Variants in OCA2 observed in about 807,000 individuals in gnomAD.
The protein encoded by OCA2 is OCA2 melanosomal transmembrane protein, also known as P protein.
Under a neutral mutation model 100.2 loss-of-function variants are expected in OCA2, and 77 were observed. The ratio of observed to expected loss-of-function variants is 0.77; its 90% CI spans 0.64 to 0.93. The LOEUF (loss-of-function observed/expected upper bound fraction) is 0.93, where lower values mean the gene tolerates loss of function less well. Among genes scored for constraint, OCA2 ranks in the 40% least tolerant of loss-of-function variants. The pLI is 0.00. For missense variants in OCA2, 1,062 were observed against 1,089.1 expected, an observed-to-expected ratio of 0.98 and a Z score of 0.35; for synonymous variants, 432 against 439.2, an observed-to-expected ratio of 0.98 and a Z score of 0.21.
chr15:27,765,364 G>A (rs957771570), intron 23 of OCA2, among the ~76,000 whole-genome samples: 2 of 152,084 alleles, frequency 1.3e-5, no homozygotes, highest in African/African-American at 4.8e-5. Flanking sequence ...AGTTTTACTG[G>A]GGGACTGAAG....
At chr15:27,967,975 C>T (rs2040632586) in intron 14 of OCA2, among the ~76,000 whole-genome samples, 1 of 152,104 alleles carries the variant, frequency 6.6e-6, no homozygotes, top group African/African-American at 2.4e-5. Flanking sequence ...AATAAGTCAG[C>T]AGCGTCATTG....
At chr15:28,041,283 G>A (rs1195033812) in intron 2 of OCA2, among the ~76,000 whole-genome samples, 2 of 149,430 alleles carry the variant, frequency 1.3e-5, no homozygotes, top group East Asian at 2.0e-4. Context: ...AACTGATGCA[G>A]GAAAAACATT....
intron 19 of OCA2, among the ~76,000 whole-genome samples, chr15:27,881,046 T>A (rs1273597716): frequency 6.6e-6 from 1 of 152,124 alleles, no homozygotes; most frequent in African/African-American, 2.4e-5. Flanking sequence ...CAATACCTAG[T>A]TTATTGAGAG....
At chr15:27,833,797 C>T (rs2035048975) in intron 23 of OCA2, among the ~76,000 whole-genome samples, 1 of 152,112 alleles carries the variant, frequency 6.6e-6, no homozygotes, top group Non-Finnish European at 1.5e-5. Context: ...GAAACACTGA[C>T]AGTGAATGGC....
At position 28,069,569 on chromosome 15, in the gene OCA2, C is replaced by T. The variant is rs1378748793; in HGVS notation, c.227+12079G>A. Among the ~76,000 whole-genome samples the T allele has an allele frequency of 2.5e-4, 35 of 141,704 alleles. No individual in the cohort carries two copies. In the East Asian group the frequency reaches 3.9e-3, roughly 16 times the overall value. The allele number at this position is 141,704 out of a possible 152,430, so 93.0% of individuals were successfully genotyped here. A position where few individuals can be genotyped will look rare whatever the true frequency, so the allele number is the denominator to read the frequency against. On this transcript the variant is annotated intron_variant, in intron 2 of 23. Transcript: ENST00000354638. ...CTGCGATTGCAGGCACGCGCCGCCA[C>T]GCCTGACTGGTTTTGGTGGAGACGG...
intron 18 of OCA2, among the ~76,000 whole-genome samples, chr15:27,934,063 C>A (rs966728546): frequency 6.6e-6 from 1 of 151,950 alleles, no homozygotes; most frequent in African/African-American, 2.4e-5. Flanking sequence ...TATGCATACA[C>A]AATTTTATGT....
chr15:28,083,079 C>T (rs763698008), intron 1 of OCA2, among the ~76,000 whole-genome samples: 24 of 152,204 alleles, frequency 1.6e-4, no homozygotes, highest in Admixed American at 6.5e-4. Flanking sequence ...TGCAGAGGCA[C>T]GTGCTGGGGC....
intron 9 of OCA2, among the ~76,000 whole-genome samples, chr15:27,999,516 A>G (rs2041861258): frequency 3.3e-5 from 5 of 152,238 alleles, no homozygotes; most frequent in African/African-American, 1.2e-4. Flanking sequence ...ATTATACTCC[A>G]TAGTGAAAAG....
At chr15:27,922,927 AC>A (rs2038917798) in intron 19 of OCA2, among the ~76,000 whole-genome samples, 1 of 151,738 alleles carries the variant, frequency 6.6e-6, no homozygotes, top group African/African-American at 2.4e-5. Flanking sequence ...TAAGCCTAGC[AC>A]CCATTACTTA....
chr15:27,827,527 G>T (rs2034779016), intron 23 of OCA2, among the ~76,000 whole-genome samples: 1 of 151,248 alleles, frequency 6.6e-6, no homozygotes, highest in Non-Finnish European at 1.5e-5. Flanking sequence ...TATTTTATTT[G>T]TTCCTTGTAA....
chr15:27,983,218 G>A, intron 14 of OCA2, 127 bp downstream of exon 14: 1 of 1,159,358 alleles, frequency 8.6e-7, no homozygotes, highest in Admixed American at 1.8e-5. Context: ...GAGATGCCCA[G>A]TAGCACTTAC....
chr15:27,821,642 GTGTGCACACAGAC>G (rs1344405556), intron 23 of OCA2, among the ~76,000 whole-genome samples: 16 of 111,152 alleles, frequency 1.4e-4, no homozygotes, highest in South Asian at 5.1e-4. Context: ...TTGCACACAA[GTGTGCACACAGAC>G]ACAGGCTCAC....
rs555157815 is a variant in OCA2, at chr15:27,770,987, C to T, written c.2433-15515G>A. 6.5e-3 allele frequency among the ~76,000 whole-genome samples: 560 copies of T among 85,808 alleles called. 6 individuals are homozygous for T. Among genetic ancestry groups the T allele is most frequent in the African/African-American group, 0.024 (536 of 22,186 alleles). 56.3% of individuals were successfully genotyped at this position (85,808 alleles called of 152,430 possible). A position where few individuals can be genotyped will look rare whatever the true frequency, so the allele number is the denominator to read the frequency against. ...CCTCCCTCCCTTCCTTTCCTTCTTT[C>T]TTCCTTCCCTTCCTTCCTTCCCTTC... is the stretch of plus-strand genomic sequence containing the variant. On this transcript the variant is annotated intron_variant, in intron 23 of 23. Transcript: ENST00000354638.
intron 21 of OCA2, among the ~76,000 whole-genome samples, chr15:27,860,462 C>T (rs1340031530): frequency 1.3e-5 from 2 of 152,176 alleles, no homozygotes; most frequent in Admixed American, 1.3e-4. Context: ...CTCACTCCTC[C>T]CTTCTGAAAA....
At chr15:27,791,445 G>A (rs1046954099) in intron 23 of OCA2, among the ~76,000 whole-genome samples, 1 of 152,188 alleles carries the variant, frequency 6.6e-6, no homozygotes, top group African/African-American at 2.4e-5. Context: ...AAATTCTGGT[G>A]AAGGCAAAGC....
At chr15:28,049,786 G>A (rs1286686338) in intron 2 of OCA2, among the ~76,000 whole-genome samples, 1 of 152,158 alleles carries the variant, frequency 6.6e-6, no homozygotes, top group Non-Finnish European at 1.5e-5. Flanking sequence ...GAAATTGCAG[G>A]TTCCAGAGCC....
chr15:27,972,853 A>C (rs4068533), intron 14 of OCA2, among the ~76,000 whole-genome samples: 1,519 of 48,386 alleles, frequency 0.031, 73 homozygotes, highest in Admixed American at 0.11. Context: ...ATTTTATTTT[A>C]TTTTATTTTA....
intron 18 of OCA2, 60 bp from the exon 19 acceptor site, chr15:27,926,314 C>A: frequency 6.3e-7 from 1 of 1,590,316 alleles, no homozygotes; most frequent in East Asian, 2.2e-5. Flanking sequence ...CGATTCATTT[C>A]TTTAACCTCT....
At chr15:27,995,335 C>G (rs550702246) in intron 9 of OCA2, among the ~76,000 whole-genome samples, 1 of 152,178 alleles carries the variant, frequency 6.6e-6, no homozygotes, top group Non-Finnish European at 1.5e-5. Context: ...ACAAAAAAGT[C>G]TTCAGGATAT....
Sources: gnomAD v4.1 joint callset for allele counts (sites outside exome capture counted in the v4.1 genomes callset) on GRCh38, gnomAD v4.1.1 for gene constraint, MANE v1.5 for transcripts, NCBI Gene and HGNC (gene_info 2026-07-23, HGNC 2026-07-21) for gene names.